Variants in PLEKHM3 observed in about 807,000 individuals in gnomAD.
PLEKHM3 encodes pleckstrin homology domain containing M3.
A neutral mutation model predicts 81.8 loss-of-function variants in PLEKHM3; 45 were observed. That is an observed-to-expected ratio of 0.55 (90% CI 0.43 to 0.71). PLEKHM3 has a LOEUF of 0.71. Among genes scored for constraint, PLEKHM3 ranks in the 30% least tolerant of loss-of-function variants. PLEKHM3 has a pLI of 0.00. For synonymous variants in PLEKHM3, 352 were observed against 356.4 expected, an observed-to-expected ratio of 0.99 and a Z score of 0.14; for missense variants, 788 against 924.3, an observed-to-expected ratio of 0.85 and a Z score of 1.91.
chr2:207,856,224 C>T (rs2092436780), intron 7 of PLEKHM3, among the ~76,000 whole-genome samples: 1 of 151,902 alleles, frequency 6.6e-6, no homozygotes, highest in Non-Finnish European at 1.5e-5. Context: ...CATATTCCAC[C>T]CCACCACCAC....
chr2:207,908,912 C>T (rs774165656), intron 5 of PLEKHM3, among the ~76,000 whole-genome samples: 43 of 152,186 alleles, frequency 2.8e-4, no homozygotes, highest in Non-Finnish European at 3.4e-4. Context: ...TCTGGCAAGT[C>T]CCCACATGCC....
In PLEKHM3 at chr2:207,828,235, G is replaced by C; in HGVS notation, c.*84C>G. 3 of 1,356,924 alleles carry C rather than the reference G, an allele frequency of 2.2e-6. No individual in the cohort carries two copies. Among genetic ancestry groups the C allele is most frequent in the Non-Finnish European group, 1.0e-6 (1 of 990,174 alleles). 84.1% of individuals were successfully genotyped at this position (1,356,924 alleles called of 1,614,324 possible). On this transcript the variant is annotated 3_prime_UTR_variant, in exon 8 of 8. Transcript: ENST00000427836. ...AGAGGATACATACTCTTCTTCCAAA[G>C]GGGTCTAACTGGCTAGTTAGGAGGC...
chr2:207,995,158 T>C (rs1199957656), intron 2 of PLEKHM3, among the ~76,000 whole-genome samples: 1 of 152,178 alleles, frequency 6.6e-6, no homozygotes, highest in Non-Finnish European at 1.5e-5. Flanking sequence ...CATCTTCCTT[T>C]TGCAGATTCA....
At chr2:207,935,551 C>T (rs183476189) in intron 4 of PLEKHM3, among the ~76,000 whole-genome samples, 7 of 152,268 alleles carry the variant, frequency 4.6e-5, no homozygotes, top group East Asian at 3.9e-4. Context: ...CCTACTAACA[C>T]GAAAGAATTT....
intron 7 of PLEKHM3, among the ~76,000 whole-genome samples, chr2:207,839,808 T>C (rs889380490): frequency 6.6e-6 from 1 of 152,106 alleles, no homozygotes; most frequent in Non-Finnish European, 1.5e-5. Context: ...ACACCTACGG[T>C]CCCAGCTACT....
chr2:207,833,111 C>CA (rs71036960), intron 7 of PLEKHM3, among the ~76,000 whole-genome samples: 1,501 of 75,936 alleles, frequency 0.02, 15 homozygotes, highest in East Asian at 0.026. Flanking sequence ...GACACCATCT[C>CA]AAAAAAAAAA....
chr2:207,849,055 T>C (rs2092398627), intron 7 of PLEKHM3, among the ~76,000 whole-genome samples: 1 of 152,142 alleles, frequency 6.6e-6, no homozygotes, highest in African/African-American at 2.4e-5. Context: ...GCAGACTGGC[T>C]GGGCGTGGTG....
At chr2:207,908,973 T>G (rs1259787504) in intron 5 of PLEKHM3, among the ~76,000 whole-genome samples, 1 of 152,220 alleles carries the variant, frequency 6.6e-6, no homozygotes, top group African/African-American at 2.4e-5. Context: ...TAATGTGATG[T>G]CTCCAAATAT....
chr2:207,990,098 C>G (rs1289771293), intron 2 of PLEKHM3, among the ~76,000 whole-genome samples: 3 of 152,216 alleles, frequency 2.0e-5, no homozygotes, highest in Non-Finnish European at 4.4e-5. Context: ...CGTCCCTTTA[C>G]ATGGACACAT....
chr2:207,934,926 C>G (rs149659745), intron 4 of PLEKHM3, among the ~76,000 whole-genome samples: 2 of 152,146 alleles, frequency 1.3e-5, no homozygotes, highest in African/African-American at 2.4e-5. Flanking sequence ...TATGCTCCCC[C>G]ACAAAAATAG....
intron 6 of PLEKHM3, among the ~76,000 whole-genome samples, chr2:207,890,627 C>T (rs1688032929): frequency 6.6e-6 from 1 of 151,768 alleles, no homozygotes; most frequent in South Asian, 2.1e-4. Flanking sequence ...AATTTGCTCT[C>T]AAAATATAAA....
chr2:207,837,039 T>C (rs531306721), intron 7 of PLEKHM3, among the ~76,000 whole-genome samples: 1 of 152,374 alleles, frequency 6.6e-6, no homozygotes, highest in African/African-American at 2.4e-5. Context: ...TAGCTATTAC[T>C]GGTTTTTCCA....
At chr2:207,871,940 T>G (rs890294233) in intron 6 of PLEKHM3, among the ~76,000 whole-genome samples, 1 of 152,254 alleles carries the variant, frequency 6.6e-6, no homozygotes, top group Non-Finnish European at 1.5e-5. Flanking sequence ...AGGTCTCTAC[T>G]ATTCCTTTTA....
chr2:207,828,597 G>C, intron 7 of PLEKHM3, 101 bp from the exon 8 acceptor site: 1 of 1,134,030 alleles, frequency 8.8e-7, no homozygotes, highest in Non-Finnish European at 1.2e-6. Flanking sequence ...ACAATCTACT[G>C]TTCTGGACAA....
intron 7 of PLEKHM3, among the ~76,000 whole-genome samples, chr2:207,841,498 T>C (rs200148449): frequency 0.34 from 39,801 of 116,388 alleles, 8,351 homozygotes; most frequent in African/African-American, 0.45. Flanking sequence ...TATATATATA[T>C]ATATATATAT....
In PLEKHM3 at chr2:207,823,260, C is replaced by T. The variant is rs1329483931; in HGVS notation, c.*5059G>A. 3 of 151,800 alleles carry T rather than the reference C, an allele frequency of 2.0e-5. No homozygotes were observed. The highest frequency in any genetic ancestry group is 2.1e-4 in the South Asian group (1 of 4,800). 9.4% of individuals were successfully genotyped at this position (151,800 alleles called of 1,614,324 possible). ...ATGCTTTCCATCACACCAGCGGCCA[C>T]TTTACGAAGACAGTGCCACAAAACA... is the stretch of plus-strand genomic sequence containing the variant. On this transcript the variant is annotated 3_prime_UTR_variant, in exon 8 of 8. Transcript: ENST00000427836.
At chr2:208,000,235 C>T (rs886920623) in intron 2 of PLEKHM3, among the ~76,000 whole-genome samples, 1 of 152,198 alleles carries the variant, frequency 6.6e-6, no homozygotes, top group East Asian at 1.9e-4. Flanking sequence ...GTCCTTTGCT[C>T]TACTTGCCAG....
At chr2:207,961,309 T>G (rs1690724133) in intron 3 of PLEKHM3, among the ~76,000 whole-genome samples, 1 of 152,212 alleles carries the variant, frequency 6.6e-6, no homozygotes, top group African/African-American at 2.4e-5. Context: ...GTCTGCTGAT[T>G]TAAAAGAGAA....
chr2:207,925,627 A>C (rs1336453723), intron 5 of PLEKHM3, among the ~76,000 whole-genome samples: 1 of 152,058 alleles, frequency 6.6e-6, no homozygotes, highest in Non-Finnish European at 1.5e-5. Flanking sequence ...GTTTATAATA[A>C]ACCACCTCCA....
Sources: allele counts gnomAD v4.1 joint callset (sites outside exome capture counted in the v4.1 genomes callset), GRCh38; gene constraint gnomAD v4.1.1; transcripts MANE v1.5; gene names NCBI Gene and HGNC (gene_info 2026-07-23, HGNC 2026-07-21).